The following AGBL1 variants were observed in gnomAD, a reference collection of about 807,000 sequenced individuals.
The protein encoded by AGBL1 is AGBL carboxypeptidase 1, also known as cytosolic carboxypeptidase 4.
A neutral mutation model predicts 118.9 loss-of-function variants in AGBL1; 130 were observed. That is an observed-to-expected ratio of 1.09 (90% CI 0.95 to 1.26). AGBL1 has a LOEUF of 1.26. AGBL1 is among the 50% of genes most tolerant of loss of function. The probability of loss-of-function intolerance (pLI) is 0.00; values close to 1 mark genes in which losing one functional copy is unlikely to be tolerated. For missense variants in AGBL1, 1,584 were observed against 1,298.1 expected, an observed-to-expected ratio of 1.22 and a Z score of -3.38; for synonymous variants, 555 against 478.9, an observed-to-expected ratio of 1.16 and a Z score of -2.08.
intron 17 of AGBL1, among the ~76,000 whole-genome samples, chr15:86,389,888 C>G (rs2081251436): frequency 6.6e-6 from 1 of 151,842 alleles, no homozygotes; most frequent in Non-Finnish European, 1.5e-5. Context: ...AAATGGAGAG[C>G]AAATATTAAA....
chr15:86,484,073 G>A (rs1054022398), intron 18 of AGBL1, among the ~76,000 whole-genome samples: 4 of 152,084 alleles, frequency 2.6e-5, no homozygotes, highest in African/African-American at 7.2e-5. Flanking sequence ...TTATCTATCC[G>A]TGAAGAGCCA....
intron 22 of AGBL1, among the ~76,000 whole-genome samples, chr15:86,711,362 G>C (rs2086552763): frequency 6.6e-6 from 1 of 152,170 alleles, no homozygotes; most frequent in African/African-American, 2.4e-5. Flanking sequence ...GAACCTCTCT[G>C]TGGCAAGATA....
chr15:86,486,405 A>G (rs1299936211), intron 18 of AGBL1, among the ~76,000 whole-genome samples: 1 of 152,090 alleles, frequency 6.6e-6, no homozygotes, highest in Non-Finnish European at 1.5e-5. Context: ...CTTAGGCAAA[A>G]GTAATGATTC....
rs72757846 is a variant in AGBL1 at position 86,590,617 on chromosome 15, G to A, written c.2994+36080G>A. Among the ~76,000 whole-genome samples, 757 of 152,290 alleles carry A rather than the reference G, an allele frequency of 5.0e-3. 2 individuals carry two copies. Among genetic ancestry groups the A allele is most frequent in the Non-Finnish European group, 7.6e-3 (515 of 68,010 alleles). On this transcript the variant is annotated intron_variant, in intron 21 of 22. Coordinates refer to ENST00000614907, the MANE Select transcript of AGBL1 (RefSeq NM_001386094.1). ...CAGTTTGCAAAGGGGGTCTTGTTAT[G>A]TAGATGAAACCTCACAGGTAGCAAC...
chr15:86,295,492 C>CT, intron 17 of AGBL1, 84 bp downstream of exon 17: 1 of 1,386,360 alleles, frequency 7.2e-7, no homozygotes, highest in Non-Finnish European at 9.7e-7. Flanking sequence ...TCTTTTAGAT[C>CT]AAAAGCTCCA....
chr15:86,117,791 G>C (rs1470919239), intron 1 of AGBL1, among the ~76,000 whole-genome samples: 1 of 152,160 alleles, frequency 6.6e-6, no homozygotes, highest in Non-Finnish European at 1.5e-5. Flanking sequence ...AATGTAATTA[G>C]AGATGATAGA....
At chr15:86,951,970 C>G (rs1031232548) in intron 23 of AGBL1, among the ~76,000 whole-genome samples, 1 of 152,132 alleles carries the variant, frequency 6.6e-6, no homozygotes, top group South Asian at 2.1e-4. Flanking sequence ...CGGTGGCTCA[C>G]GCTTGTAATC....
intron 22 of AGBL1, among the ~76,000 whole-genome samples, chr15:86,792,463 G>A (rs1442052446): frequency 1.3e-5 from 2 of 152,166 alleles, no homozygotes; most frequent in Non-Finnish European, 2.9e-5. Context: ...TAGCATGGAA[G>A]TTATTGAGAG....
chr15:86,495,779 G>A (rs905240095), intron 18 of AGBL1, among the ~76,000 whole-genome samples: 2 of 151,456 alleles, frequency 1.3e-5, no homozygotes, highest in South Asian at 4.2e-4. Flanking sequence ...TCTCTGTTTG[G>A]TATATAATTT....
intron 1 of AGBL1, among the ~76,000 whole-genome samples, chr15:86,092,201 A>G (rs966539387): frequency 1.3e-5 from 2 of 152,224 alleles, no homozygotes; most frequent in Admixed American, 6.5e-5. Flanking sequence ...CTAGATAAGC[A>G]TACACATGCA....
intron 1 of AGBL1, among the ~76,000 whole-genome samples, chr15:86,115,242 C>T (rs1597412589): frequency 6.6e-6 from 1 of 152,162 alleles, no homozygotes; most frequent in Admixed American, 6.5e-5. Flanking sequence ...ACCATAAAGT[C>T]ACAGTGGTGG....
chr15:86,791,743 T>TATATATATATAC (rs1288689181), intron 22 of AGBL1, among the ~76,000 whole-genome samples: 4 of 149,696 alleles, frequency 2.7e-5, no homozygotes, highest in Non-Finnish European at 4.4e-5. Flanking sequence ...TATATATATA[T>TATATATATATAC]ATATATATTT....
At chr15:86,826,597 A>C (rs1384329749) in intron 22 of AGBL1, among the ~76,000 whole-genome samples, 2 of 152,138 alleles carry the variant, frequency 1.3e-5, no homozygotes, top group African/African-American at 4.8e-5. Context: ...CTCATTTAGT[A>C]GACCCTAAAA....
At position 86,145,346 on chromosome 15, in the gene AGBL1, C is replaced by G. The variant is rs1348311279; in HGVS notation, c.262+1501C>G. Among the ~76,000 whole-genome samples, 5 of 152,278 alleles carry G rather than the reference C, an allele frequency of 3.3e-5. No homozygotes were observed. The East Asian group carries it at 7.7e-4, about 23-fold the overall frequency. On this transcript the variant is annotated intron_variant, in intron 3 of 22. Transcript: ENST00000614907. ...GGCTCCATAGTCATTTCTCTTTCAC[C>G]AAGGAAAACCCTGAAACATTTCCCT...
chr15:86,112,553 G>A lies in AGBL1; in HGVS notation c.52-29451G>A, dbSNP rs532240991. Among the ~76,000 whole-genome samples, 6 of 152,344 alleles carry A rather than the reference G, an allele frequency of 3.9e-5. No homozygotes were observed. In the East Asian group the frequency reaches 7.7e-4, roughly 20 times the overall value. The stretch of plus-strand genomic sequence containing the variant: ...TTTCACGATTAGCAACAGTGATGAA[G>A]TGATGAGGATCTTCGCAAATAAGAT... On this transcript the variant is annotated intron_variant, in intron 1 of 22. Transcript: ENST00000614907.
chr15:86,249,085 G>C lies in AGBL1; in HGVS notation c.735+1206G>C, dbSNP rs148891329. ...CTAAATAAATTCCTTAATTTCACCT[G>C]ATTAGGGCTAATTGAAATCCTATAG... is the stretch of plus-strand genomic sequence containing the variant. On this transcript the variant is annotated intron_variant, in intron 7 of 22. Transcript: ENST00000614907. Among the ~76,000 whole-genome samples, 838 of 152,274 alleles carry C rather than the reference G, an allele frequency of 5.5e-3. 6 individuals are homozygous for C. The highest frequency in any genetic ancestry group is 0.019 in the African/African-American group (780 of 41,552).
intron 18 of AGBL1, among the ~76,000 whole-genome samples, chr15:86,473,054 A>G (rs2081030270): frequency 6.6e-6 from 1 of 152,226 alleles, no homozygotes; most frequent in Admixed American, 6.5e-5. Context: ...TATTACTTTA[A>G]CATTAGATTA....
At chr15:86,853,469 A>G (rs1217746583) in intron 22 of AGBL1, among the ~76,000 whole-genome samples, 3 of 152,210 alleles carry the variant, frequency 2.0e-5, no homozygotes, top group Admixed American at 6.5e-5. Context: ...TATTATTCCA[A>G]TTCTACAGAT....
intron 21 of AGBL1, among the ~76,000 whole-genome samples, chr15:86,660,160 T>G (rs1016190118): frequency 1.3e-5 from 2 of 151,788 alleles, no homozygotes; most frequent in African/African-American, 4.8e-5. Flanking sequence ...ATGTCAGTTT[T>G]CCACTCCAGG....
Sources: gnomAD v4.1 joint callset for allele counts (sites outside exome capture counted in the v4.1 genomes callset) on GRCh38, gnomAD v4.1.1 for gene constraint, MANE v1.5 for transcripts, NCBI Gene and HGNC (gene_info 2026-07-23, HGNC 2026-07-21) for gene names.